The following UGT1A8 variants were observed in gnomAD, a reference collection of about 807,000 sequenced individuals.
UGT1A8 encodes the protein UDP-glucuronosyltransferase 1A8.
A neutral mutation model predicts 45.3 loss-of-function variants in UGT1A8; 39 were observed. The observed-to-expected ratio is 0.86, with a 90% confidence interval of 0.67 to 1.12. The LOEUF is 1.12. Among genes scored for constraint, UGT1A8 ranks in the 50% most tolerant of loss-of-function variants. The pLI is 0.00. For synonymous variants in UGT1A8, 275 were observed against 249.2 expected (o/e 1.10, Z -0.97); for missense variants, 719 against 664.9 (o/e 1.08, Z -0.90).
chr2:233,736,085 G>C (rs1296774053), intron 1 of UGT1A8, among the ~76,000 whole-genome samples: 1 of 152,146 alleles, frequency 6.6e-6, no homozygotes, highest in African/African-American at 2.4e-5. Flanking sequence ...AGTTCTCCTG[G>C]ATAATATCCT....
intron 1 of UGT1A8, chr2:233,719,003 C>A: frequency 6.2e-7 from 1 of 1,614,256 alleles, no homozygotes; most frequent in Non-Finnish European, 8.5e-7. Flanking sequence ...CGGTGGTCCT[C>A]ACCCCAGAGG....
At chr2:233,711,559 C>T (rs1421347641) in intron 1 of UGT1A8, among the ~76,000 whole-genome samples, 2 of 152,214 alleles carry the variant, frequency 1.3e-5, no homozygotes, top group Non-Finnish European at 2.9e-5. Context: ...GGAGAGTTCC[C>T]AAAGCCCTTG....
chr2:233,755,190 G>A, intron 1 of UGT1A8: 9 of 1,160,210 alleles, frequency 7.8e-6, no homozygotes, highest in Non-Finnish European at 7.2e-6. Context: ...CCACTTGAGC[G>A]CCAGCTTGCG....
chr2:233,674,849 G>C (rs2074298755), intron 1 of UGT1A8, among the ~76,000 whole-genome samples: 1 of 152,156 alleles, frequency 6.6e-6, no homozygotes, highest in South Asian at 2.1e-4. Flanking sequence ...CCCAACCACA[G>C]AAGTAAATTG....
chr2:233,765,544 G>A (rs148810143), intron 1 of UGT1A8, among the ~76,000 whole-genome samples: 5,118 of 152,186 alleles, frequency 0.034, 277 homozygotes, highest in African/African-American at 0.12. Context: ...CTCATAAGTG[G>A]GAGTTGAACA....
chr2:233,743,842 C>T (rs1312488571), intron 1 of UGT1A8: 2 of 1,367,178 alleles, frequency 1.5e-6, no homozygotes, highest in Admixed American at 3.8e-5. Flanking sequence ...TGAGCGCCAG[C>T]TTGCGGTACG....
At position 233,729,391 on chromosome 2, in the gene UGT1A8, T is replaced by C. The variant is rs1264943751; in HGVS notation, c.856-37643T>C. On this transcript the variant is annotated intron_variant, in intron 1 of 4. Transcript: ENST00000373450. ...TGCCATTTCGTGGACCCAGGATGAA[T>C]TTGATCGCCATGTGCTGGGCCACAC... 6.2e-7 allele frequency: 1 copy of C among 1,613,898 alleles called. No individual in the cohort carries two copies. Among genetic ancestry groups the C allele is most frequent in the Non-Finnish European group, 8.5e-7 (1 of 1,179,836 alleles).
At chr2:233,766,403 C>G (rs889722071) in intron 1 of UGT1A8, among the ~76,000 whole-genome samples, 2 of 152,178 alleles carry the variant, frequency 1.3e-5, no homozygotes, top group Non-Finnish European at 2.9e-5. Context: ...TGCGTCCCTC[C>G]GCTGATGTGC....
chr2:233,619,469 T>A (rs571230938), intron 1 of UGT1A8, among the ~76,000 whole-genome samples: 1 of 152,188 alleles, frequency 6.6e-6, no homozygotes, highest in Admixed American at 6.6e-5. Flanking sequence ...GAGTCCTACA[T>A]GTAGGGTTAG....
chr2:233,703,067 G>C (rs28899181), intron 1 of UGT1A8, among the ~76,000 whole-genome samples: 84 of 152,340 alleles, frequency 5.5e-4, no homozygotes, highest in African/African-American at 1.9e-3. Context: ...TAGTGAAGCT[G>C]TCTGGGCCTA....
Position 233,657,892 on chromosome 2 carries a change from ATTTATAC to A in UGT1A8, c.855+39336_855+39342del, listed in dbSNP as rs540185466. ...TAAAAGTTATTTATATATTCTGGATATTTATACTTTATCAGTTTCTGGGCTTTTTTCC... is the reference window on the plus strand; with the variant it reads ...TAAAAGTTATTTATATATTCTGGATATTTATCAGTTTCTGGGCTTTTTTCC... On this transcript the variant is annotated intron_variant, in intron 1 of 4. Transcript: ENST00000373450. 4.7e-3 allele frequency among the ~76,000 whole-genome samples: 719 copies of A among 152,096 alleles called. 2 individuals carry two copies. The highest frequency in any genetic ancestry group is 8.0e-3 in the Non-Finnish European group (542 of 68,000).
At chr2:233,747,937 A>G in intron 1 of UGT1A8, 1 of 1,613,182 alleles carries the variant, frequency 6.2e-7, no homozygotes, top group Non-Finnish European at 8.5e-7. Context: ...TTTCAGAGGG[A>G]GGTGTCAGTG....
At chr2:233,761,199 A>C in intron 1 of UGT1A8, 1 of 1,614,054 alleles carries the variant, frequency 6.2e-7, no homozygotes, top group Non-Finnish European at 8.5e-7. Flanking sequence ...TTTCAGATGT[A>C]TTACTTTGGA....
chr2:233,667,420 A>T (rs2074101564), intron 1 of UGT1A8, among the ~76,000 whole-genome samples: 1 of 152,234 alleles, frequency 6.6e-6, no homozygotes. Flanking sequence ...ACCTTAAACC[A>T]TAAAAACCCT....
chr2:233,662,779 G>A (rs1254819582), intron 1 of UGT1A8, among the ~76,000 whole-genome samples: 3 of 149,282 alleles, frequency 2.0e-5, no homozygotes, highest in Admixed American at 6.7e-5. Context: ...CCCTTCATTA[G>A]CTTTGGAAAC....
At chr2:233,637,050 T>C (rs201624537) in intron 1 of UGT1A8, 12 of 1,613,902 alleles carry the variant, frequency 7.4e-6, no homozygotes, top group Admixed American at 6.7e-5. Flanking sequence ...TTTGCCACCA[T>C]CTTGAAGAAG....
At chr2:233,637,015 T>C in intron 1 of UGT1A8, 1 of 1,614,054 alleles carries the variant, frequency 6.2e-7, no homozygotes, top group East Asian at 2.2e-5. Flanking sequence ...CTCCCTCCCC[T>C]CTGTGGTCTT....
At chr2:233,771,575 T>A (rs927540192) in intron 4 of UGT1A8, 6 of 152,302 alleles carry the variant, frequency 3.9e-5, no homozygotes, top group African/African-American at 1.4e-4. Context: ...AGGTGGTTGT[T>A]TACAACTTCA....
intron 1 of UGT1A8, chr2:233,743,625 C>A (rs201123763): frequency 3.7e-6 from 5 of 1,367,318 alleles, no homozygotes; most frequent in Admixed American, 3.8e-5. Context: ...CTGAAGACGT[C>A]GGCTGGGTCG....
Sources: allele counts gnomAD v4.1 joint callset (sites outside exome capture counted in the v4.1 genomes callset), GRCh38; gene constraint gnomAD v4.1.1; transcripts MANE v1.5; gene names NCBI Gene and HGNC (gene_info 2026-07-23, HGNC 2026-07-21).